ANKRD13A: variants seen among roughly 807,000 people sequenced by gnomAD.
ANKRD13A encodes ankyrin repeat domain 13A.
In ANKRD13A, 48 loss-of-function variants were observed where a neutral mutation model predicts 81.3. The ratio of observed to expected loss-of-function variants is 0.59; its 90% confidence interval spans 0.47 to 0.75. The LOEUF is 0.75. Ranked by LOEUF, ANKRD13A falls within the 30% of genes least tolerant of loss-of-function variation. The probability of loss-of-function intolerance (pLI) is 0.00; values close to 1 mark genes in which losing one functional copy is unlikely to be tolerated. For missense variants in ANKRD13A, 612 were observed against 734.0 expected (o/e 0.83, Z 1.92); for synonymous variants, 230 against 270.1 (o/e 0.85, Z 1.45).
chr12:110,028,336 C>T, intron 9 of ANKRD13A, 176 bp from the exon 10 acceptor site: 2 of 564,176 alleles, frequency 3.5e-6, no homozygotes, highest in Non-Finnish European at 6.1e-6. Flanking sequence ...CATTACACTT[C>T]CTGTGTAGTT....
chr12:110,020,625 G>A (rs867483069), intron 6 of ANKRD13A, among the ~76,000 whole-genome samples: 1 of 152,164 alleles, frequency 6.6e-6, no homozygotes, highest in South Asian at 2.1e-4. Flanking sequence ...GCTTTCCCTG[G>A]GAGGGCCTTG....
intron 3 of ANKRD13A, among the ~76,000 whole-genome samples, chr12:110,013,541 G>A (rs1022821469): frequency 6.6e-6 from 1 of 152,190 alleles, no homozygotes; most frequent in African/African-American, 2.4e-5. Context: ...GGGAGGCTGA[G>A]GCAGGAGGAT....
Position 110,037,438 on chromosome 12 carries a change from G to A in ANKRD13A, c.1657G>A (p.Asp553Asn). 3.1e-6 allele frequency: 5 copies of A among 1,614,222 alleles called. No individual in the cohort carries two copies. The highest frequency in any genetic ancestry group is 4.2e-6 in the Non-Finnish European group (5 of 1,180,040). ...ALSETSRFDNDLQLAMELSAK... is the reference protein window; with the variant it reads ...ALSETSRFDNNLQLAMELSAK... ...GAGCGAGACAAGCCGTTTTGATAATGACTTGCAGCTAGCCATGGAGCTCTC... is the reference window on the plus strand; with the variant it reads ...GAGCGAGACAAGCCGTTTTGATAATAACTTGCAGCTAGCCATGGAGCTCTC... The change falls in exon 15 of 15, where the codon GAC (aspartate) becomes AAC (asparagine). Residue 553 changes from aspartate to asparagine, a missense_variant. By Grantham distance (23) the Asp-to-Asn change is conservative. Coordinates refer to ENST00000261739, the MANE Select transcript of ANKRD13A (RefSeq NM_033121.2).
chr12:110,013,269 C>T lies in ANKRD13A; in HGVS notation c.354+20C>T. On this transcript the variant is annotated intron_variant, in intron 3 of 14. Transcript: ENST00000261739. The stretch of plus-strand genomic sequence containing the variant: ...CTCGAGGTATCCATGAAAATGTGGC[C>T]AGGCCATAATCTGAGCTAAATGCTG... 1 of 1,613,674 alleles carries T rather than the reference C, an allele frequency of 6.2e-7. No individual in the cohort carries two copies. Among genetic ancestry groups the T allele is most frequent in the Non-Finnish European group, 8.5e-7 (1 of 1,179,824 alleles).
intron 1 of ANKRD13A, among the ~76,000 whole-genome samples, chr12:110,004,992 A>G (rs1890165255): frequency 7.0e-6 from 1 of 143,804 alleles, no homozygotes; most frequent in Non-Finnish European, 1.5e-5. Context: ...TTATGTATAA[A>G]CATATACAGA....
intron 13 of ANKRD13A, among the ~76,000 whole-genome samples, chr12:110,034,228 G>T (rs1205876229): frequency 1.3e-5 from 2 of 152,112 alleles, no homozygotes; most frequent in African/African-American, 4.8e-5. Flanking sequence ...TTGTAATTCT[G>T]TACTTTTTGA....
chr12:110,003,074 G>A (rs913167793), intron 1 of ANKRD13A, among the ~76,000 whole-genome samples: 5 of 152,162 alleles, frequency 3.3e-5, no homozygotes, highest in African/African-American at 9.7e-5. Flanking sequence ...GTCGTTGGCC[G>A]CTTAGCTAAA....
chr12:110,002,630 AC>A (rs1034296549), intron 1 of ANKRD13A, among the ~76,000 whole-genome samples: 6 of 152,038 alleles, frequency 3.9e-5, no homozygotes, highest in Non-Finnish European at 5.9e-5. Flanking sequence ...AACAAAAAAA[AC>A]CCAAAAAATT....
chr12:110,011,663 C>T (rs1468988989), intron 1 of ANKRD13A, among the ~76,000 whole-genome samples: 4 of 152,130 alleles, frequency 2.6e-5, no homozygotes, highest in South Asian at 2.1e-4. Context: ...CAGTGTTGTC[C>T]GGTGATTGCA....
chr12:110,016,353 G>T (rs1890803831), intron 3 of ANKRD13A, 35 bp from the exon 4 acceptor site: 2 of 1,544,822 alleles, frequency 1.3e-6, no homozygotes, highest in Non-Finnish European at 1.8e-6. Context: ...ATAGTGCCAA[G>T]GGTAATCTGT....
At chr12:110,020,697 G>T (rs536117703) in intron 6 of ANKRD13A, among the ~76,000 whole-genome samples, 29 of 152,328 alleles carry the variant, frequency 1.9e-4, no homozygotes, top group Middle Eastern at 3.4e-3. Context: ...TCAGCTTAGG[G>T]CTCTGTTCAT....
rs1476410458 is a variant in ANKRD13A at position 110,037,990 on chromosome 12, G to T, written c.*436G>T. 1.3e-5 allele frequency: 2 copies of T among 156,762 alleles called. No homozygotes were observed. Among genetic ancestry groups the T allele is most frequent in the African/African-American group, 2.4e-5 (1 of 41,488 alleles). 9.7% of individuals were successfully genotyped at this position (156,762 alleles called of 1,614,324 possible). A position where few individuals can be genotyped will look rare whatever the true frequency, so the allele number is the denominator to read the frequency against. The stretch of plus-strand genomic sequence containing the variant: ...TAAAGTGTGATCTATGAGAATTGGA[G>T]ACACTTCTTTACTGTTCACCAAAGA... On this transcript the variant is annotated 3_prime_UTR_variant, in exon 15 of 15. Coordinates refer to ENST00000261739, the MANE Select transcript of ANKRD13A (RefSeq NM_033121.2).
intron 12 of ANKRD13A, among the ~76,000 whole-genome samples, chr12:110,031,875 T>C (rs1201324944): frequency 6.6e-6 from 1 of 152,176 alleles, no homozygotes; most frequent in Non-Finnish European, 1.5e-5. Context: ...TTTATCTTTT[T>C]TTTTTCTTAC....
At chr12:110,030,507 A>C in intron 11 of ANKRD13A, 138 bp from the exon 12 acceptor site, 1 of 411,638 alleles carries the variant, frequency 2.4e-6, no homozygotes, top group Admixed American at 4.3e-5. Context: ...CCGTCTGTGT[A>C]TTGGGAAGGG....
chr12:110,038,789 A>G lies in ANKRD13A; in HGVS notation c.*1235A>G. ...ACTCTCTTTTGTCAAACCCTCTTGT[A>G]TATAACCATCGCACAACATACAGAA... On this transcript the variant is annotated 3_prime_UTR_variant, in exon 15 of 15. Transcript: ENST00000261739. The G allele has an allele frequency of 6.6e-6, 1 of 152,218 alleles. No homozygotes were observed. Among genetic ancestry groups the G allele is most frequent in the East Asian group, 1.9e-4 (1 of 5,190 alleles). 9.4% of individuals were successfully genotyped at this position (152,218 alleles called of 1,614,324 possible). A position where few individuals can be genotyped will look rare whatever the true frequency, so the allele number is the denominator to read the frequency against.
At chr12:110,014,151 G>A (rs1227532091) in intron 3 of ANKRD13A, among the ~76,000 whole-genome samples, 6 of 152,170 alleles carry the variant, frequency 3.9e-5, no homozygotes, top group African/African-American at 1.4e-4. Flanking sequence ...GGTGGCTCAC[G>A]CCTATAATGC....
chr12:110,036,386 CGAGCAGACGCGTGGCA>C lies in ANKRD13A; in HGVS notation c.1577+59_1577+74del. 1 of 1,531,114 alleles carries C rather than the reference CGAGCAGACGCGTGGCA, an allele frequency of 6.5e-7. No individual in the cohort carries two copies. Among genetic ancestry groups the C allele is most frequent in the Non-Finnish European group, 9.0e-7 (1 of 1,105,128 alleles). 94.8% of individuals were successfully genotyped at this position (1,531,114 alleles called of 1,614,324 possible). A position where few individuals can be genotyped will look rare whatever the true frequency, so the allele number is the denominator to read the frequency against. On this transcript the variant is annotated intron_variant, in intron 14 of 14. Transcript: ENST00000261739. The surrounding 1 kb of genome is among the most constrained non-coding windows in gnomAD (Gnocchi z 4.6). ...GGGTGAACACAGGCCTGGACACAGGCGAGCAGACGCGTGGCACTGTGCATTTGGTCCTCAGGCAGAT... is the reference window on the plus strand; with the variant it reads ...GGGTGAACACAGGCCTGGACACAGGCCTGTGCATTTGGTCCTCAGGCAGAT...
chr12:110,030,054 TCATA>T (rs1279073545), intron 11 of ANKRD13A, among the ~76,000 whole-genome samples: 5 of 152,192 alleles, frequency 3.3e-5, no homozygotes, highest in African/African-American at 1.2e-4. Context: ...TATGTATATA[TCATA>T]CATACTACTC....
chr12:110,037,001 A>G (rs1892095558), intron 14 of ANKRD13A, among the ~76,000 whole-genome samples: 1 of 152,200 alleles, frequency 6.6e-6, no homozygotes, highest in Non-Finnish European at 1.5e-5. Context: ...AAGATAAGGA[A>G]GTTTGGAGGA....
Sources: gnomAD v4.1 joint callset for allele counts (sites outside exome capture counted in the v4.1 genomes callset) on GRCh38, gnomAD v4.1.1 for gene constraint, Gnocchi (gnomAD v3.1) non-coding constraint, MANE v1.5 for transcripts, NCBI Gene and HGNC (gene_info 2026-07-23, HGNC 2026-07-21) for gene names.